Variants in GNB4 observed in about 807,000 individuals in gnomAD.
The protein encoded by GNB4 is G protein subunit beta 4, also known as guanine nucleotide-binding protein subunit beta-4.
In GNB4, 28 loss-of-function variants were observed where a neutral mutation model predicts 45.2. That is an observed-to-expected ratio of 0.62 (90% CI 0.46 to 0.85). GNB4 has a LOEUF of 0.85. Among genes scored for constraint, GNB4 ranks in the 40% least tolerant of loss-of-function variants. The pLI is 0.00. For synonymous variants in GNB4, 132 were observed against 143.7 expected (o/e 0.92, Z 0.58); for missense variants, 321 against 425.4 (o/e 0.75, Z 2.16).
the GNB4 span, among the ~76,000 whole-genome samples, chr3:179,477,231 G>A: frequency 6.6e-6 from 1 of 152,134 alleles, no homozygotes; most frequent in Admixed American, 6.5e-5. Flanking sequence ...AGGTCAGCCT[G>A]AAGTTTTAAA....
chr3:179,512,654 T>A, the GNB4 span, among the ~76,000 whole-genome samples: 6 of 152,330 alleles, frequency 3.9e-5, no homozygotes, highest in East Asian at 1.2e-3. Context: ...CACACTTCAT[T>A]TTTTCTCTGC....
At chr3:179,495,050 C>G in the GNB4 span, among the ~76,000 whole-genome samples, 1 of 151,784 alleles carries the variant, frequency 6.6e-6, no homozygotes, top group Non-Finnish European at 1.5e-5. Context: ...AGAACTTCAC[C>G]AAGACACACT....
chr3:179,484,836 A>ATATGTGTG, the GNB4 span, among the ~76,000 whole-genome samples: 1 of 146,996 alleles, frequency 6.8e-6, no homozygotes, highest in Non-Finnish European at 1.5e-5. Flanking sequence ...AGCTATATAT[A>ATATGTGTG]TGTGTGTGTG....
the GNB4 span, among the ~76,000 whole-genome samples, chr3:179,485,120 C>T: frequency 6.6e-6 from 1 of 150,940 alleles, no homozygotes; most frequent in Admixed American, 6.6e-5. Flanking sequence ...ACGCCATTCT[C>T]CTGCCTCACC....
the GNB4 span, among the ~76,000 whole-genome samples, chr3:179,479,922 A>G: frequency 6.6e-6 from 1 of 152,238 alleles, no homozygotes; most frequent in Non-Finnish European, 1.5e-5. Context: ...CCAAAAGTTC[A>G]TGTTTTGGAA....
At chr3:179,413,648 T>A (rs372351074) in intron 7 of GNB4, 35 bp from the exon 8 acceptor site, 189 of 1,611,188 alleles carry the variant, frequency 1.2e-4, no homozygotes, top group Non-Finnish European at 1.4e-4. Context: ...GACAATTACT[T>A]CTTCTTATGT....
At chr3:179,420,830 C>T (rs758697612) in intron 3 of GNB4, 59 bp downstream of exon 3, 2 of 1,016,112 alleles carry the variant, frequency 2.0e-6, no homozygotes, top group South Asian at 1.3e-5. Context: ...TGTCATTTGC[C>T]TCTATGTCAA....
rs751745758 is a variant in GNB4 at position 179,405,279 on chromosome 3, A to G, written c.827T>C (p.Val276Ala). The G allele has an allele frequency of 6.2e-6, 10 of 1,614,094 alleles. No homozygotes were observed. Among genetic ancestry groups the G allele is most frequent in the Admixed American group, 1.7e-5 (1 of 60,014 alleles). Reference protein sequence around the residue: ...HDNIICGITSVAFSKSGRLLL... With the variant: ...HDNIICGITSAAFSKSGRLLL... ...GAGACGCCCACTTTTTGAGAAGGCT[A>G]CAGAAGTGATTCCACAGATGATATT... The change falls in exon 9 of 10, where the codon GTA becomes GCA. Residue 276 changes from valine to alanine, a missense_variant. Transcript: ENST00000232564.
chr3:179,459,078 G>A, the GNB4 span, among the ~76,000 whole-genome samples: 2 of 152,334 alleles, frequency 1.3e-5, no homozygotes, highest in East Asian at 3.9e-4. Flanking sequence ...GCAAAGGGGA[G>A]ATTTAGGCTC....
At chr3:179,519,608 C>T in the GNB4 span, among the ~76,000 whole-genome samples, 2,523 of 152,246 alleles carry the variant, frequency 0.017, 65 homozygotes, top group African/African-American at 0.055. Context: ...ACCTGCCCAC[C>T]TCCCTTATTA....
chr3:179,486,774 C>T, the GNB4 span, among the ~76,000 whole-genome samples: 2 of 152,326 alleles, frequency 1.3e-5, no homozygotes, highest in South Asian at 4.1e-4. Context: ...ACACAAACTG[C>T]TGCACTGGTG....
chr3:179,477,573 A>G, the GNB4 span, among the ~76,000 whole-genome samples: 1 of 152,062 alleles, frequency 6.6e-6, no homozygotes, highest in Non-Finnish European at 1.5e-5. Context: ...TCTTATCACA[A>G]CCACTTAAGA....
At chr3:179,411,432 C>G (rs952111010) in intron 8 of GNB4, among the ~76,000 whole-genome samples, 1 of 148,306 alleles carries the variant, frequency 6.7e-6, no homozygotes, top group Non-Finnish European at 1.5e-5. Context: ...TCTATATTTA[C>G]TTATATTTGT....
At chr3:179,468,031 T>TTTA in the GNB4 span, among the ~76,000 whole-genome samples, 1 of 67,286 alleles carries the variant, frequency 1.5e-5, no homozygotes, top group African/African-American at 6.1e-5. Flanking sequence ...ATTTTGTTGA[T>TTTA]AAAAATATAT....
chr3:179,424,248 C>A (rs532088842), intron 2 of GNB4, among the ~76,000 whole-genome samples: 38 of 152,284 alleles, frequency 2.5e-4, no homozygotes, highest in African/African-American at 9.1e-4. Context: ...GGCATGTGGC[C>A]ACATGGTTTA....
intron 1 of GNB4, among the ~76,000 whole-genome samples, chr3:179,431,224 CCTG>C: frequency 6.6e-6 from 1 of 152,134 alleles, no homozygotes; most frequent in East Asian, 1.9e-4. Context: ...CCATCTCCTG[CCTG>C]CTCTTTTGCA....
At chr3:179,470,119 T>C in the GNB4 span, among the ~76,000 whole-genome samples, 1 of 152,204 alleles carries the variant, frequency 6.6e-6, no homozygotes, top group Non-Finnish European at 1.5e-5. Context: ...ATTAGGTACA[T>C]GCAATATACA....
chr3:179,432,453 C>T (rs191622833), intron 1 of GNB4, among the ~76,000 whole-genome samples: 19 of 152,152 alleles, frequency 1.2e-4, no homozygotes, highest in Non-Finnish European at 2.5e-4. Flanking sequence ...CCTGAGAATA[C>T]CAATAAAGCA....
At chr3:179,457,543 C>A in the GNB4 span, among the ~76,000 whole-genome samples, 15 of 152,162 alleles carry the variant, frequency 9.9e-5, no homozygotes, top group African/African-American at 3.6e-4. Flanking sequence ...AGCACATGCA[C>A]CCACCAATTT....
Sources: gnomAD v4.1 joint callset for allele counts (sites outside exome capture counted in the v4.1 genomes callset) on GRCh38, gnomAD v4.1.1 for gene constraint, MANE v1.5 for transcripts, NCBI Gene and HGNC (gene_info 2026-07-23, HGNC 2026-07-21) for gene names.